DLGAP2: variants seen among roughly 807,000 people sequenced by gnomAD.
DLGAP2 encodes DLG associated protein 2, also known as disks large-associated protein 2.
A neutral mutation model predicts 100.3 loss-of-function variants in DLGAP2; 26 were observed. The ratio of observed to expected loss-of-function variants is 0.26; its 90% CI spans 0.19 to 0.36. The LOEUF (loss-of-function observed/expected upper bound fraction) is 0.36, where lower values mean the gene tolerates loss of function less well. Ranked by LOEUF, DLGAP2 falls within the 10% of genes least tolerant of loss-of-function variation. The pLI, the probability that DLGAP2 is intolerant of heterozygous loss-of-function variation, is 1.00. For synonymous variants in DLGAP2, 886 were observed against 630.1 expected (o/e 1.41, Z -6.08); for missense variants, 1,858 against 1,453.2 (o/e 1.28, Z -4.53).
At chr8:1,510,350 C>T (rs550765163) in intron 4 of DLGAP2, among the ~76,000 whole-genome samples, 1 of 152,314 alleles carries the variant, frequency 6.6e-6, no homozygotes, top group East Asian at 1.9e-4. Flanking sequence ...CTCGTTGCCC[C>T]AGATGTCAGG....
chr8:1,160,911 A>C (rs564741939), intron 2 of DLGAP2, among the ~76,000 whole-genome samples: 6 of 152,358 alleles, frequency 3.9e-5, no homozygotes, highest in African/African-American at 1.2e-4. Flanking sequence ...ACTGGCCGTC[A>C]TCTGGGTTTT....
At chr8:757,821 A>C (rs1342536196) in intron 1 of DLGAP2, among the ~76,000 whole-genome samples, 1 of 152,220 alleles carries the variant, frequency 6.6e-6, no homozygotes, top group Non-Finnish European at 1.5e-5. Context: ...CTGTGTAATC[A>C]AAGACTGAGT....
chr8:1,174,461 GTCA>G (rs1014043104), intron 2 of DLGAP2, among the ~76,000 whole-genome samples: 2 of 140,784 alleles, frequency 1.4e-5, no homozygotes, highest in Middle Eastern at 4.3e-3. Flanking sequence ...AATCATTATC[GTCA>G]TCATTACCAT....
At chr8:1,235,015 G>A (rs67693232) in intron 2 of DLGAP2, among the ~76,000 whole-genome samples, 10 of 9,320 alleles carry the variant, frequency 1.1e-3, no homozygotes, top group Admixed American at 4.4e-3. Context: ...CACACATAGC[G>A]TTGTGTCTAA....
chr8:1,678,612 A>G lies in DLGAP2; in HGVS notation c.2687A>G (p.Asn896Ser). 6.4e-7 allele frequency: 1 copy of G among 1,553,584 alleles called. No homozygotes were observed. The highest frequency in any genetic ancestry group is 8.7e-7 in the Non-Finnish European group (1 of 1,147,660). The part of the protein sequence containing the change: ...CKEMEREAEE[N>S]DLSEEILGKI... ...GAGATGGAGAGAGAGGCGGAGGAGAACGACCTCTCGGAGGAAAGTAAGAGC... is the reference window on the plus strand; with the variant it reads ...GAGATGGAGAGAGAGGCGGAGGAGAGCGACCTCTCGGAGGAAAGTAAGAGC... The change falls in exon 12 of 15, where the codon AAC (asparagine) becomes AGC (serine). Residue 896 changes from asparagine to serine, a missense_variant. Physicochemically the swap from Asn to Ser is conservative, Grantham distance 46. Transcript: ENST00000637795.
At chr8:1,610,765 A>C (rs1049164441) in intron 6 of DLGAP2, among the ~76,000 whole-genome samples, 3 of 147,942 alleles carry the variant, frequency 2.0e-5, no homozygotes, top group African/African-American at 8.0e-5. Flanking sequence ...AAACACCTCT[A>C]CGCAAATAAA....
intron 2 of DLGAP2, among the ~76,000 whole-genome samples, chr8:1,205,500 G>T (rs1438478444): frequency 6.6e-6 from 1 of 152,172 alleles, no homozygotes; most frequent in Non-Finnish European, 1.5e-5. Flanking sequence ...TTGACAGGGG[G>T]ACCCTCTGTG....
At chr8:919,121 A>G (rs1368960079) in intron 2 of DLGAP2, among the ~76,000 whole-genome samples, 1 of 152,198 alleles carries the variant, frequency 6.6e-6, no homozygotes, top group Non-Finnish European at 1.5e-5. Context: ...GCTTTGCTCT[A>G]TTTTGAGAGT....
intron 3 of DLGAP2, among the ~76,000 whole-genome samples, chr8:1,333,584 T>C (rs921122664): frequency 6.6e-6 from 1 of 152,160 alleles, no homozygotes; most frequent in African/African-American, 2.4e-5. Flanking sequence ...GCCTGAGCAC[T>C]GTGGAGCCCA....
intron 2 of DLGAP2, among the ~76,000 whole-genome samples, chr8:1,113,974 G>T: frequency 6.6e-6 from 1 of 152,106 alleles, no homozygotes; most frequent in Non-Finnish European, 1.5e-5. Context: ...TTTGTCTTTA[G>T]TTCTGTTTAT....
chr8:1,569,530 A>T (rs143950860), intron 6 of DLGAP2, among the ~76,000 whole-genome samples: 2 of 152,370 alleles, frequency 1.3e-5, no homozygotes, highest in African/African-American at 4.8e-5. Context: ...GGAGGTATCA[A>T]CACATTTTTG....
chr8:848,266 G>A (rs1305479922), intron 1 of DLGAP2, among the ~76,000 whole-genome samples: 1 of 151,896 alleles, frequency 6.6e-6, no homozygotes, highest in African/African-American at 2.4e-5. Flanking sequence ...TTCCAGTATA[G>A]GATCGTGTGG....
rs190586788 is a variant in DLGAP2, at chr8:1,292,791, C to T, written c.106+33908C>T. On this transcript the variant is annotated intron_variant, in intron 3 of 14. Transcript: ENST00000637795. ...CCTCCCCTTTCCACTCATGTCACCC[C>T]TCTTCTCGGAACGCCTTCCCAAGGT... Among the ~76,000 whole-genome samples, 449 of 152,168 alleles carry T rather than the reference C, an allele frequency of 3.0e-3. 2 individuals carry two copies. Among genetic ancestry groups the T allele is most frequent in the Non-Finnish European group, 4.8e-3 (324 of 68,008 alleles).
At chr8:1,560,010 C>T (rs753171642) in intron 5 of DLGAP2, among the ~76,000 whole-genome samples, 1 of 152,246 alleles carries the variant, frequency 6.6e-6, no homozygotes, top group Non-Finnish European at 1.5e-5. Flanking sequence ...TGCTACCACT[C>T]ATTTCATGTC....
intron 2 of DLGAP2, among the ~76,000 whole-genome samples, chr8:1,203,005 G>A (rs997021361): frequency 2.6e-5 from 4 of 152,058 alleles, no homozygotes; most frequent in Non-Finnish European, 4.4e-5. Flanking sequence ...AGTTCTCCTC[G>A]CCACCACCCC....
At chr8:1,344,613 A>T (rs1801513030) in intron 3 of DLGAP2, among the ~76,000 whole-genome samples, 1 of 152,202 alleles carries the variant, frequency 6.6e-6, no homozygotes, top group Non-Finnish European at 1.5e-5. Flanking sequence ...CTCTGTGTTC[A>T]GGAAAACCCG....
intron 6 of DLGAP2, among the ~76,000 whole-genome samples, chr8:1,592,939 A>T (rs1164574164): frequency 3.9e-5 from 6 of 152,216 alleles, no homozygotes; most frequent in Non-Finnish European, 8.8e-5. Flanking sequence ...ATCTAAAATC[A>T]CAGCAGGATG....
chr8:740,550 C>T (rs1343921464), intron 1 of DLGAP2, among the ~76,000 whole-genome samples: 2 of 152,042 alleles, frequency 1.3e-5, no homozygotes, highest in East Asian at 3.9e-4. Flanking sequence ...GGTAGAAATT[C>T]CAAATTAAAT....
chr8:930,126 C>T (rs547503752), intron 2 of DLGAP2, among the ~76,000 whole-genome samples: 2 of 152,104 alleles, frequency 1.3e-5, no homozygotes, highest in East Asian at 1.9e-4. Context: ...TCAGACCTGG[C>T]GACCCTGGCC....
Sources: gnomAD v4.1 joint callset for allele counts (sites outside exome capture counted in the v4.1 genomes callset) on GRCh38, gnomAD v4.1.1 for gene constraint, MANE v1.5 for transcripts, NCBI Gene and HGNC (gene_info 2026-07-23, HGNC 2026-07-21) for gene names.